KREMEN2: variants seen among roughly 807,000 people sequenced by gnomAD.
The protein encoded by KREMEN2 is kringle containing transmembrane protein 2, also known as kremen protein 2.
In KREMEN2, 43 loss-of-function variants were observed where a neutral mutation model predicts 49.8. The ratio of observed to expected loss-of-function variants is 0.86; its 90% CI spans 0.68 to 1.11. KREMEN2 has a LOEUF of 1.11. Ranked by LOEUF, KREMEN2 falls within the 50% of genes most tolerant of loss-of-function variation. The pLI, the probability that KREMEN2 is intolerant of heterozygous loss-of-function variation, is 0.00. For missense variants in KREMEN2, 686 were observed against 665.7 expected (o/e 1.03, Z -0.34); for synonymous variants, 355 against 304.9 (o/e 1.16, Z -1.71).
chr16:2,965,335 G>C (rs1425880043), intron 2 of KREMEN2, among the ~76,000 whole-genome samples: 1 of 152,188 alleles, frequency 6.6e-6, no homozygotes, highest in Non-Finnish European at 1.5e-5. Context: ...GTCAGAGCGG[G>C]GGCCGAATGG....
chr16:2,966,522 T>A lies in KREMEN2; in HGVS notation c.486+73T>A, dbSNP rs1473593374. ...ACCACACTCAACTCCCAACACTCGG[T>A]TGCCAAACCCAGACACCGGTTTCTG... is the stretch of plus-strand genomic sequence containing the variant. On this transcript the variant is annotated intron_variant, in intron 4 of 8. Coordinates refer to ENST00000303746, the MANE Select transcript of KREMEN2 (RefSeq NM_172229.3). This position sits in a 1 kb window ranked among gnomAD's most constrained non-coding sequence, Gnocchi z 8.4. 1 of 1,595,250 alleles carries A rather than the reference T, an allele frequency of 6.3e-7. No homozygotes were observed. The highest frequency in any genetic ancestry group is 1.1e-5 in the South Asian group (1 of 90,326).
In KREMEN2 at chr16:2,966,603, C is replaced by G. The variant is rs775946448; in HGVS notation, c.487-39C>G. The G allele has an allele frequency of 1.3e-6, 2 of 1,595,308 alleles. No homozygotes were observed. The highest frequency in any genetic ancestry group is 2.7e-5 in the African/African-American group (2 of 74,840). On this transcript the variant is annotated intron_variant, in intron 4 of 8. Transcript: ENST00000303746. The surrounding 1 kb of genome is among the most constrained non-coding windows in gnomAD (Gnocchi z 8.4). ...AGGCCCCCACCACTTCACCCCTACCCCAGCCCCTGCCCTGGGGTCACCCAG... is the reference window on the plus strand; with the variant it reads ...AGGCCCCCACCACTTCACCCCTACCGCAGCCCCTGCCCTGGGGTCACCCAG...
chr16:2,967,816 T>C lies in KREMEN2; in HGVS notation c.1185T>C (p.Cys395=). The part of the protein sequence containing the change: ...GLLRPLRRRS[C]LLAPGKGPPA... ...ATGTCTGCTCCCTCTCTAGGAGCTG[T>C]CTGCTGGCTCCGGGAAAAGGGCCCC... is the stretch of plus-strand genomic sequence containing the variant. Residue 395 remains cysteine, a synonymous_variant, in exon 9 of 9, where the codon TGT becomes TGC. Coordinates refer to ENST00000303746, the MANE Select transcript of KREMEN2 (RefSeq NM_172229.3). The C allele has an allele frequency of 1.3e-6, 2 of 1,549,888 alleles. No individual in the cohort carries two copies. The highest frequency in any genetic ancestry group is 1.7e-6 in the Non-Finnish European group (2 of 1,146,822).
At position 2,968,369 on chromosome 16, in the gene KREMEN2, T is replaced by G; in HGVS notation, c.*349T>G. The G allele has an allele frequency of 2.0e-6, 3 of 1,535,538 alleles. No homozygotes were observed. In the East Asian group the frequency reaches 7.3e-5, roughly 38 times the overall value. On this transcript the variant is annotated 3_prime_UTR_variant, in exon 9 of 9. Coordinates refer to ENST00000303746, the MANE Select transcript of KREMEN2 (RefSeq NM_172229.3). ...ACCCCCACAGATTTTGAATAAAGGA[T>G]CTACTTTGGTACGGGCCTCGAAAGT...
In KREMEN2 at chr16:2,964,975, T is replaced by C; in HGVS notation, c.211T>C (p.Tyr71His). Reference sequence around the variant, plus strand: ...CTGGGACCAGACGCAGCAACACAGCTACAGCAGCGCCAGCGACCCCCACGG... The same window carrying C: ...CTGGGACCAGACGCAGCAACACAGCCACAGCAGCGCCAGCGACCCCCACGG... ...LFWDQTQQHS[Y>H]SSASDPHGRW... Residue 71 changes from tyrosine to histidine, a missense_variant, in exon 2 of 9, where the codon TAC becomes CAC. Transcript: ENST00000303746. 1 of 1,578,308 alleles carries C rather than the reference T, an allele frequency of 6.3e-7. No homozygotes were observed. The highest frequency in any genetic ancestry group is 8.6e-7 in the Non-Finnish European group (1 of 1,163,588).
In KREMEN2 at chr16:2,966,914, G is replaced by C; in HGVS notation, c.645G>C (p.Ser215=). The C allele has an allele frequency of 6.5e-7, 1 of 1,545,658 alleles. No individual in the cohort carries two copies. The highest frequency in any genetic ancestry group is 8.7e-7 in the Non-Finnish European group (1 of 1,143,768). Residue 215 remains serine (S), a synonymous_variant, in exon 6 of 9, where the codon TCG becomes TCC. Transcript: ENST00000303746. The surrounding 1 kb of genome is among the most constrained non-coding windows in gnomAD (Gnocchi z 8.4). ...GACTGCCGGCCCCGCCCGCAGTGTCGGTGGGCTCCTGCCAGGGGAACTGGA... is the reference window on the plus strand; with the variant it reads ...GACTGCCGGCCCCGCCCGCAGTGTCCGTGGGCTCCTGCCAGGGGAACTGGA... ...GDGRLGVYEV[S]VGSCQGNWTA... is the part of the protein sequence containing the mutation.
intron 6 of KREMEN2, 29 bp downstream of exon 6, chr16:2,967,271 G>C (rs2285827): frequency 7.4e-7 from 1 of 1,353,986 alleles, no homozygotes; most frequent in African/African-American, 1.5e-5. Flanking sequence ...CGCCCTGCCC[G>C]CTGTTCCCAC....
chr16:2,966,723 G>A lies in KREMEN2; in HGVS notation c.568G>A (p.Asp190Asn). 2 of 1,611,894 alleles carry A rather than the reference G, an allele frequency of 1.2e-6. No individual in the cohort carries two copies. The highest frequency in any genetic ancestry group is 1.7e-6 in the Non-Finnish European group (2 of 1,179,902). Residue 190 changes from aspartate to asparagine, a missense_variant, in exon 5 of 9, where the codon GAC becomes AAC. Asp to Asn is a conservative substitution (Grantham distance 23). Transcript: ENST00000303746. This position sits in a 1 kb window ranked among gnomAD's most constrained non-coding sequence, Gnocchi z 8.4. The stretch of plus-strand genomic sequence containing the variant: ...CCGGGGACGCCTGGCCCCCGCCACC[G>A]ACTGTGACCAGATCTGTTTCGGCCA... The part of the protein sequence containing the change: ...LARGRLAPAT[D>N]CDQICFGHPG...
At position 2,967,229 on chromosome 16, in the gene KREMEN2, G is replaced by C. The variant is rs910120147; in HGVS notation, c.960G>C (p.Ala320=). The C allele has an allele frequency of 5.9e-6, 8 of 1,355,100 alleles. No homozygotes were observed. Among genetic ancestry groups the C allele is most frequent in the South Asian group, 1.8e-5 (1 of 54,800 alleles). The allele number at this position is 1,355,100 out of a possible 1,614,324, so 83.9% of individuals were successfully genotyped here. The change falls in exon 6 of 9, where the codon GCG becomes GCC. Residue 320 remains alanine, a synonymous_variant. Transcript: ENST00000303746. ...CGCGCGGCCACGCGCAAGGCTTCGC[G>C]CTCACCTACCGCGGTGAGCCTCAGC... ...SDARGHAQGF[A]LTYRGLQDAA...
Position 2,966,612 on chromosome 16 carries a change from G to GC in KREMEN2, c.487-27dup. The GC allele has an allele frequency of 6.2e-7, 1 of 1,602,444 alleles. No individual in the cohort carries two copies. Among genetic ancestry groups the GC allele is most frequent in the Non-Finnish European group, 8.5e-7 (1 of 1,178,178 alleles). ...CCACTTCACCCCTACCCCAGCCCCTGCCCTGGGGTCACCCAGTCTGTGCTC... is the reference window on the plus strand; with the variant it reads ...CCACTTCACCCCTACCCCAGCCCCTGCCCCTGGGGTCACCCAGTCTGTGCTC... On this transcript the variant is annotated intron_variant, in intron 4 of 8. Transcript: ENST00000303746. The surrounding 1 kb of genome is among the most constrained non-coding windows in gnomAD (Gnocchi z 8.4).
In KREMEN2 at chr16:2,968,325, C is replaced by A; in HGVS notation, c.*305C>A. On this transcript the variant is annotated 3_prime_UTR_variant, in exon 9 of 9. Coordinates refer to ENST00000303746, the MANE Select transcript of KREMEN2 (RefSeq NM_172229.3). The stretch of plus-strand genomic sequence containing the variant: ...CCGTCCTCAGTGAGAGGTCACAGGT[C>A]AGCAAAAACAGTCAAAAAACCCCCA... The A allele has an allele frequency of 6.5e-7, 1 of 1,529,322 alleles. No individual in the cohort carries two copies. The highest frequency in any genetic ancestry group is 8.8e-7 in the Non-Finnish European group (1 of 1,141,166). 94.7% of individuals were successfully genotyped at this position (1,529,322 alleles called of 1,614,324 possible).
chr16:2,966,150 G>T lies in KREMEN2; in HGVS notation c.280G>T (p.Gly94Cys). 1 of 1,612,078 alleles carries T rather than the reference G, an allele frequency of 6.2e-7. No homozygotes were observed. Among genetic ancestry groups the T allele is most frequent in the South Asian group, 1.1e-5 (1 of 91,024 alleles). Residue 94 changes from glycine (G) to cysteine (C), a missense_variant, in exon 3 of 9, where the codon GGT becomes TGT. Transcript: ENST00000303746. This position sits in a 1 kb window ranked among gnomAD's most constrained non-coding sequence, Gnocchi z 8.4. ...CCCTCCCACCCGCAGTAACCCAGAC[G>T]GTGACGTGCAGCCGTGGTGCTACGT... ...GAHNFCRNPD[G>C]DVQPWCYVAE...
At position 2,968,002 on chromosome 16, in the gene KREMEN2, G is replaced by A. The variant is rs192742743; in HGVS notation, c.1371G>A (p.Ser457=). The change falls in exon 9 of 9, where the codon TCG becomes TCA. Residue 457 remains serine (S), a synonymous_variant. Coordinates refer to ENST00000303746, the MANE Select transcript of KREMEN2 (RefSeq NM_172229.3). The part of the protein sequence containing the change: ...LSASSQSSLR[S]LISAL The stretch of plus-strand genomic sequence containing the variant: ...CCTCCAGCCAGAGCTCCCTGCGCTC[G>A]CTCATCTCCGCTCTCTGACTCTGGG... 7 of 1,562,636 alleles carry A rather than the reference G, an allele frequency of 4.5e-6. No individual in the cohort carries two copies. Among genetic ancestry groups the A allele is most frequent in the African/African-American group, 1.3e-5 (1 of 74,250 alleles).
rs73482256 is a variant in KREMEN2 at position 2,966,318 on chromosome 16, C to G, written c.362-7C>G. ...GGAGTCACGGAAGTCTGACTCTGCC[C>G]CCTCAGTGCCAGGCTACCTGGGATG... On this transcript the variant is annotated splice_polypyrimidine_tract_variant and splice_region_variant and intron_variant, in intron 3 of 8. Transcript: ENST00000303746. This position sits in a 1 kb window ranked among gnomAD's most constrained non-coding sequence, Gnocchi z 8.4. 3,188 of 1,612,558 alleles carry G rather than the reference C, an allele frequency of 2.0e-3. 46 individuals carry two copies. In the African/African-American group the frequency reaches 0.037, roughly 19 times the overall value.
In KREMEN2 at chr16:2,964,501, C is replaced by A. The variant is rs1270391472; in HGVS notation, c.-20C>A. 11 of 1,533,414 alleles carry A rather than the reference C, an allele frequency of 7.2e-6. No homozygotes were observed. Among genetic ancestry groups the A allele is most frequent in the Non-Finnish European group, 9.6e-6 (11 of 1,139,940 alleles). The allele number at this position is 1,533,414 out of a possible 1,614,324, so 95.0% of individuals were successfully genotyped here. The stretch of plus-strand genomic sequence containing the variant: ...CCGGGCCGTGTCCGGGCGAGGGTGA[C>A]CTATCCTTGGTTGAGAGCGATGGGG... On this transcript the variant is annotated 5_prime_UTR_variant, in exon 1 of 9. Coordinates refer to ENST00000303746, the MANE Select transcript of KREMEN2 (RefSeq NM_172229.3).
rs950851457 is a variant in KREMEN2 at position 2,967,708 on chromosome 16, G to C, written c.1179-102G>C. Reference sequence around the variant, plus strand: ...GGAACTCCTGGGTTCTTAAGGGAGCGAGGCTTTGGGTCCACGCACAGGATC... The same window carrying C: ...GGAACTCCTGGGTTCTTAAGGGAGCCAGGCTTTGGGTCCACGCACAGGATC... On this transcript the variant is annotated intron_variant, in intron 8 of 8. Transcript: ENST00000303746. 10 of 1,547,962 alleles carry C rather than the reference G, an allele frequency of 6.5e-6. No individual in the cohort carries two copies. The East Asian group carries it at 2.4e-4, about 38-fold the overall frequency.
rs1192607263 is a variant in KREMEN2, at chr16:2,964,623, C to A, written c.94+9C>A. 6.3e-7 allele frequency: 1 copy of A among 1,576,522 alleles called. No individual in the cohort carries two copies. Among genetic ancestry groups the A allele is most frequent in the Non-Finnish European group, 8.6e-7 (1 of 1,165,010 alleles). ...GAGCCTGCACAGTCCAGGTAAGTCC[C>A]CGCACGGCTGTCGGGCCGTGTTCAC... On this transcript the variant is annotated intron_variant, in intron 1 of 8. Coordinates refer to ENST00000303746, the MANE Select transcript of KREMEN2 (RefSeq NM_172229.3).
At position 2,967,030 on chromosome 16, in the gene KREMEN2, C is replaced by A; in HGVS notation, c.761C>A (p.Ala254Asp). The A allele has an allele frequency of 1.3e-6, 2 of 1,544,294 alleles. No individual in the cohort carries two copies. Among genetic ancestry groups the A allele is most frequent in the South Asian group, 1.2e-5 (1 of 83,828 alleles). ...NCSWALGPPG[A>D]ALELTFRLFE... The stretch of plus-strand genomic sequence containing the variant: ...AGCTGGGCCCTGGGCCCGCCAGGCG[C>A]CGCGCTGGAGCTCACCTTCCGCCTC... Residue 254 changes from alanine to aspartate, a missense_variant, in exon 6 of 9, where the codon GCC (alanine) becomes GAC (aspartate). Coordinates refer to ENST00000303746, the MANE Select transcript of KREMEN2 (RefSeq NM_172229.3).
At position 2,964,871 on chromosome 16, in the gene KREMEN2, G is replaced by A; in HGVS notation, c.107G>A (p.Cys36Tyr). ...CTTTGCCGTGCAGGCCTGTCCGAATGCTTCCAGGTGAATGGGGCTGACTAC... is the reference window on the plus strand; with the variant it reads ...CTTTGCCGTGCAGGCCTGTCCGAATACTTCCAGGTGAATGGGGCTGACTAC... ...GSLHSPGLSE[C>Y]FQVNGADYRG... Residue 36 changes from cysteine (C) to tyrosine (Y), a missense_variant, in exon 2 of 9, where the codon TGC becomes TAC. Physicochemically the swap from Cys to Tyr is radical, Grantham distance 194. Transcript: ENST00000303746. 1.2e-6 allele frequency: 2 copies of A among 1,611,050 alleles called. No individual in the cohort carries two copies. Among genetic ancestry groups the A allele is most frequent in the Non-Finnish European group, 1.7e-6 (2 of 1,179,202 alleles).
Sources: allele counts gnomAD v4.1 joint callset (sites outside exome capture counted in the v4.1 genomes callset), GRCh38; gene constraint gnomAD v4.1.1; non-coding constraint Gnocchi (gnomAD v3.1); transcripts MANE v1.5; gene names NCBI Gene and HGNC (gene_info 2026-07-23, HGNC 2026-07-21).